The following GALNT13 variants were observed in gnomAD, a reference collection of about 807,000 sequenced individuals.
GALNT13 encodes the protein UDP-GalNAc:polypeptide N-acetylgalactosaminyltransferase 13.
Under a neutral mutation model 64.2 loss-of-function variants are expected in GALNT13, and 28 were observed. That is an observed-to-expected ratio of 0.44 (90% CI 0.32 to 0.60). The LOEUF (loss-of-function observed/expected upper bound fraction) is 0.60, where lower values mean the gene tolerates loss of function less well. Ranked by LOEUF, GALNT13 falls within the 20% of genes least tolerant of loss-of-function variation. The probability of loss-of-function intolerance (pLI) is 0.05; values close to 1 mark genes in which losing one functional copy is unlikely to be tolerated. For missense variants in GALNT13, 577 were observed against 669.8 expected, an observed-to-expected ratio of 0.86 and a Z score of 1.53; for synonymous variants, 214 against 224.6, an observed-to-expected ratio of 0.95 and a Z score of 0.42.
chr2:154,160,332 T>G (rs1684660034), intron 4 of GALNT13, among the ~76,000 whole-genome samples: 1 of 152,198 alleles, frequency 6.6e-6, no homozygotes. Context: ...TCTCAGTTCC[T>G]GCTTCAGACA....
At chr2:154,173,904 G>C (rs1442121101) in intron 4 of GALNT13, among the ~76,000 whole-genome samples, 1 of 152,106 alleles carries the variant, frequency 6.6e-6, no homozygotes, top group Non-Finnish European at 1.5e-5. Flanking sequence ...AGCTGGCACA[G>C]ATGTGGAGAA....
intron 4 of GALNT13, among the ~76,000 whole-genome samples, chr2:154,220,108 A>G (rs1037428250): frequency 4.6e-5 from 7 of 151,610 alleles, no homozygotes; most frequent in African/African-American, 1.7e-4. Flanking sequence ...TATGCAAGCA[A>G]TGGGCCCTAA....
chr2:154,052,813 T>C (rs977094610), intron 3 of GALNT13, among the ~76,000 whole-genome samples: 1 of 150,448 alleles, frequency 6.6e-6, no homozygotes, highest in Non-Finnish European at 1.5e-5. Context: ...CTTGGCTCAC[T>C]GCAAGCTCCG....
chr2:153,846,812 C>T, the GALNT13 span, among the ~76,000 whole-genome samples: 11 of 152,078 alleles, frequency 7.2e-5, no homozygotes, highest in African/African-American at 2.7e-4. Context: ...AAGACAATTG[C>T]ATCTGCACCA....
rs1189191254 is a variant in GALNT13 at position 154,039,320 on chromosome 2, T to C, written c.142+94681T>C. 3.8e-5 allele frequency among the ~76,000 whole-genome samples: 4 copies of C among 105,778 alleles called. 1 individual carries two copies. Among genetic ancestry groups the C allele is most frequent in the African/African-American group, 1.1e-4 (4 of 37,830 alleles). 69.4% of individuals were successfully genotyped at this position (105,778 alleles called of 152,430 possible). ...GAGTTATCTTTACCTCCATGCTTAT[T>C]GCAGCACTATTCACAATAGTCAAGA... On this transcript the variant is annotated intron_variant, in intron 3 of 12. Transcript: ENST00000392825.
Position 153,944,137 on chromosome 2 carries a change from A to G in GALNT13, c.-104-257A>G, listed in dbSNP as rs188341444. Among the ~76,000 whole-genome samples the G allele has an allele frequency of 5.0e-4, 76 of 152,308 alleles. No individual in the cohort carries two copies. In the East Asian group the frequency reaches 0.014, roughly 27 times the overall value. ...ATCATGATATGACTTTAAGTTCATT[A>G]CAATACAACTTAAAGGAATCAAGTA... On this transcript the variant is annotated intron_variant, in intron 2 of 12. Coordinates refer to ENST00000392825, the MANE Select transcript of GALNT13 (RefSeq NM_052917.4).
chr2:153,591,495 G>T, the GALNT13 span, among the ~76,000 whole-genome samples: 1 of 151,916 alleles, frequency 6.6e-6, no homozygotes, highest in Non-Finnish European at 1.5e-5. Flanking sequence ...ATAGCCAAAA[G>T]AATTCTAAGC....
At chr2:153,616,601 CT>C in the GALNT13 span, among the ~76,000 whole-genome samples, 1 of 151,710 alleles carries the variant, frequency 6.6e-6, no homozygotes. Context: ...TCTTCAGTTT[CT>C]TTCATCAGTG....
the GALNT13 span, among the ~76,000 whole-genome samples, chr2:153,833,861 T>C: frequency 6.6e-6 from 1 of 152,164 alleles, no homozygotes; most frequent in East Asian, 1.9e-4. Flanking sequence ...TCTCAAAATA[T>C]GGTGGTAGCT....
At chr2:153,589,778 C>T in the GALNT13 span, among the ~76,000 whole-genome samples, 1 of 152,252 alleles carries the variant, frequency 6.6e-6, no homozygotes, top group Admixed American at 6.5e-5. Context: ...ATCACGAGAA[C>T]AGCACGGGAA....
intron 11 of GALNT13, among the ~76,000 whole-genome samples, chr2:154,411,775 T>A (rs889293607): frequency 1.3e-5 from 2 of 151,780 alleles, no homozygotes; most frequent in African/African-American, 4.8e-5. Context: ...CATAATTAAA[T>A]AAGAATGGGG....
intron 4 of GALNT13, among the ~76,000 whole-genome samples, chr2:154,241,107 G>C (rs1425702258): frequency 1.3e-5 from 2 of 152,122 alleles, no homozygotes; most frequent in Non-Finnish European, 2.9e-5. Flanking sequence ...TCATCCAGCT[G>C]TCTGTGTCTT....
At chr2:153,621,917 C>A in the GALNT13 span, among the ~76,000 whole-genome samples, 38 of 152,040 alleles carry the variant, frequency 2.5e-4, no homozygotes, top group African/African-American at 2.4e-5. Context: ...GTGAAACTTG[C>A]AGAATTACCT....
intron 7 of GALNT13, among the ~76,000 whole-genome samples, chr2:154,246,227 A>G (rs1454400417): frequency 6.6e-6 from 1 of 152,092 alleles, no homozygotes; most frequent in African/African-American, 2.4e-5. Context: ...GTATTCTTGT[A>G]TTCAAAATAT....
At chr2:153,657,088 G>A in the GALNT13 span, among the ~76,000 whole-genome samples, 1 of 152,130 alleles carries the variant, frequency 6.6e-6, no homozygotes, top group Admixed American at 6.6e-5. Flanking sequence ...GTGAGCATCA[G>A]ATCTCTATGA....
chr2:154,393,875 G>A (rs549797585), intron 9 of GALNT13, among the ~76,000 whole-genome samples: 85 of 151,152 alleles, frequency 5.6e-4, no homozygotes, highest in Admixed American at 1.1e-3. Flanking sequence ...TCAGGAGATC[G>A]AGACCATCCC....
intron 10 of GALNT13, among the ~76,000 whole-genome samples, chr2:154,403,940 G>T (rs1699413891): frequency 6.6e-6 from 1 of 152,124 alleles, no homozygotes; most frequent in Non-Finnish European, 1.5e-5. Context: ...TAATGTTTTT[G>T]TTTGTAAAAC....
chr2:153,200,691 G>A, the GALNT13 span, among the ~76,000 whole-genome samples: 437 of 152,230 alleles, frequency 2.9e-3, 5 homozygotes, highest in African/African-American at 9.9e-3. Flanking sequence ...TTGATTTTGA[G>A]GATTAGAGAA....
chr2:153,629,023 A>C, the GALNT13 span, among the ~76,000 whole-genome samples: 4 of 151,938 alleles, frequency 2.6e-5, no homozygotes, highest in African/African-American at 9.7e-5. Flanking sequence ...ACAATTTCAG[A>C]GCCTGTTATT....
Sources: allele counts gnomAD v4.1 joint callset (sites outside exome capture counted in the v4.1 genomes callset), GRCh38; gene constraint gnomAD v4.1.1; transcripts MANE v1.5; gene names NCBI Gene and HGNC (gene_info 2026-07-23, HGNC 2026-07-21).